The following KCNIP1 variants were observed in gnomAD, a reference collection of about 807,000 sequenced individuals.
The protein encoded by KCNIP1 is potassium voltage-gated channel interacting protein 1, also known as A-type potassium channel modulatory protein KCNIP1.
In KCNIP1, 18 loss-of-function variants were observed where a neutral mutation model predicts 33.0. The ratio of observed to expected loss-of-function variants is 0.55; its 90% CI spans 0.38 to 0.81. KCNIP1 has a LOEUF of 0.81. KCNIP1 is among the 30% of genes least tolerant of loss of function. The pLI, the probability that KCNIP1 is intolerant of heterozygous loss-of-function variation, is 0.00. For missense variants in KCNIP1, 238 were observed against 271.6 expected (o/e 0.88, Z 0.87); for synonymous variants, 93 against 98.3 (o/e 0.95, Z 0.32).
At chr5:170,482,483 A>G (rs1365534726) in intron 1 of KCNIP1, among the ~76,000 whole-genome samples, 1 of 152,178 alleles carries the variant, frequency 6.6e-6, no homozygotes, top group African/African-American at 2.4e-5. Context: ...AATTTGCACC[A>G]TGATTTGCTT....
intron 1 of KCNIP1, among the ~76,000 whole-genome samples, chr5:170,506,564 T>C (rs1434626591): frequency 6.6e-6 from 1 of 152,200 alleles, no homozygotes; most frequent in East Asian, 1.9e-4. Context: ...GATGAATTCC[T>C]GCAGGATTCC....
intron 1 of KCNIP1, among the ~76,000 whole-genome samples, chr5:170,479,999 T>C (rs545833418): frequency 1.5e-4 from 23 of 152,292 alleles, no homozygotes; most frequent in Non-Finnish European, 2.9e-4. Flanking sequence ...AATAAAACCA[T>C]AAGTTTAATA....
intron 1 of KCNIP1, among the ~76,000 whole-genome samples, chr5:170,435,471 C>T (rs1454617922): frequency 1.3e-5 from 2 of 152,232 alleles, no homozygotes; most frequent in African/African-American, 4.8e-5. Flanking sequence ...GTTTCCGCCT[C>T]CTCATCTGGA....
intron 1 of KCNIP1, among the ~76,000 whole-genome samples, chr5:170,494,666 C>G (rs570881496): frequency 1.2e-4 from 18 of 152,316 alleles, no homozygotes; most frequent in African/African-American, 4.3e-4. Context: ...CTCTTCACAG[C>G]CACTCTTCTC....
intron 6 of KCNIP1, among the ~76,000 whole-genome samples, chr5:170,733,116 G>A (rs538295392): frequency 4.6e-4 from 70 of 152,336 alleles, no homozygotes; most frequent in Non-Finnish European, 1.5e-4. Flanking sequence ...ATTATTAAAC[G>A]CTAGTGGTAT....
At chr5:170,474,571 G>A (rs1220062256) in intron 1 of KCNIP1, among the ~76,000 whole-genome samples, 1 of 152,140 alleles carries the variant, frequency 6.6e-6, no homozygotes, top group East Asian at 1.9e-4. Flanking sequence ...TAAGCACCAG[G>A]CCCCAGACCT....
At chr5:170,386,127 A>C (rs572785544) in intron 1 of KCNIP1, among the ~76,000 whole-genome samples, 45 of 152,178 alleles carry the variant, frequency 3.0e-4, no homozygotes, top group African/African-American at 6.0e-4. Context: ...TCCGTCAAAA[A>C]AAAAAACAAA....
chr5:170,619,143 T>C (rs1759510959), intron 1 of KCNIP1, among the ~76,000 whole-genome samples: 1 of 152,216 alleles, frequency 6.6e-6, no homozygotes, highest in Non-Finnish European at 1.5e-5. Flanking sequence ...TGAAAAGCCC[T>C]GTATCAATGA....
At chr5:170,630,186 C>T (rs576129134) in intron 1 of KCNIP1, among the ~76,000 whole-genome samples, 2 of 152,332 alleles carry the variant, frequency 1.3e-5, no homozygotes, top group Non-Finnish European at 2.9e-5. Flanking sequence ...CTTTCCCCAC[C>T]ATGTCAGACA....
chr5:170,718,547 A>G (rs1479237421), intron 1 of KCNIP1, among the ~76,000 whole-genome samples: 2 of 152,162 alleles, frequency 1.3e-5, no homozygotes, highest in African/African-American at 4.8e-5. Flanking sequence ...TTTCTCTCCA[A>G]CGCCGAAGCC....
intron 1 of KCNIP1, among the ~76,000 whole-genome samples, chr5:170,622,221 T>C (rs1759630006): frequency 6.6e-6 from 1 of 152,188 alleles, no homozygotes. Flanking sequence ...ATGTGACCTT[T>C]TTCAGAAATA....
At chr5:170,731,115 T>G (rs1237512330) in intron 5 of KCNIP1, among the ~76,000 whole-genome samples, 1 of 152,202 alleles carries the variant, frequency 6.6e-6, no homozygotes, top group Non-Finnish European at 1.5e-5. Context: ...GTAATAATTT[T>G]TGCAGGCAAG....
rs558918223 is a variant in KCNIP1 at position 170,628,826 on chromosome 5, G to A, written c.62-89932G>A. Among the ~76,000 whole-genome samples the A allele has an allele frequency of 6.6e-5, 10 of 152,344 alleles. No homozygotes were observed. The South Asian group carries it at 1.9e-3, about 28-fold the overall frequency. ...AGGTTAATTTGCAGGGTTCATGTTT[G>A]GAGTTTCTGAGCAAGTGTTGCAGCT... On this transcript the variant is annotated intron_variant, in intron 1 of 7. Transcript: ENST00000328939.
chr5:170,587,101 A>C (rs573843643), intron 1 of KCNIP1, among the ~76,000 whole-genome samples: 1 of 152,288 alleles, frequency 6.6e-6, no homozygotes, highest in Admixed American at 6.5e-5. Context: ...TGCTGTAACA[A>C]ATTATCACAA....
At chr5:170,538,330 C>A (rs570372458) in intron 1 of KCNIP1, among the ~76,000 whole-genome samples, 1 of 152,268 alleles carries the variant, frequency 6.6e-6, no homozygotes, top group East Asian at 1.9e-4. Flanking sequence ...CCCCACATGG[C>A]CTGACAAAGC....
intron 1 of KCNIP1, among the ~76,000 whole-genome samples, chr5:170,644,323 G>T (rs895536629): frequency 6.6e-6 from 1 of 152,252 alleles, no homozygotes; most frequent in Non-Finnish European, 1.5e-5. Context: ...GCAGTCAGCA[G>T]CCGAGTGCGG....
At chr5:170,480,911 A>G (rs1756963431) in intron 1 of KCNIP1, among the ~76,000 whole-genome samples, 1 of 152,200 alleles carries the variant, frequency 6.6e-6, no homozygotes, top group African/African-American at 2.4e-5. Context: ...TCCTTCTTAC[A>G]AGGATAGAGA....
intron 1 of KCNIP1, among the ~76,000 whole-genome samples, chr5:170,354,561 A>T (rs1447725453): frequency 6.6e-6 from 1 of 152,206 alleles, no homozygotes; most frequent in Non-Finnish European, 1.5e-5. Flanking sequence ...TTTCATGCCT[A>T]TGTCCATGCC....
At chr5:170,689,774 T>G (rs1441594340) in intron 1 of KCNIP1, among the ~76,000 whole-genome samples, 1 of 152,318 alleles carries the variant, frequency 6.6e-6, no homozygotes, top group East Asian at 1.9e-4. Context: ...AGCTGAGATA[T>G]GCCCTCGGGA....
Sources: gnomAD v4.1 joint callset for allele counts (sites outside exome capture counted in the v4.1 genomes callset) on GRCh38, gnomAD v4.1.1 for gene constraint, MANE v1.5 for transcripts, NCBI Gene and HGNC (gene_info 2026-07-23, HGNC 2026-07-21) for gene names.